The following CNTFR variants were observed in gnomAD, a reference collection of about 807,000 sequenced individuals.
CNTFR encodes ciliary neurotrophic factor receptor subunit alpha.
Under a neutral mutation model 40.4 loss-of-function variants are expected in CNTFR, and 12 were observed. The observed-to-expected ratio is 0.30, with a 90% CI of 0.19 to 0.48. The LOEUF is 0.48. Among genes scored for constraint, CNTFR ranks in the 20% least tolerant of loss-of-function variants. The pLI, the probability that CNTFR is intolerant of heterozygous loss-of-function variation, is 0.99. For synonymous variants in CNTFR, 202 were observed against 209.6 expected, an observed-to-expected ratio of 0.96 and a Z score of 0.31; for missense variants, 414 against 506.8, an observed-to-expected ratio of 0.82 and a Z score of 1.76.
chr9:34,572,727 C>T (rs1221077022), intron 2 of CNTFR, among the ~76,000 whole-genome samples: 1 of 152,190 alleles, frequency 6.6e-6, no homozygotes, highest in African/African-American at 2.4e-5. Context: ...TTGAAAATGA[C>T]ACAGTTGTAC....
rs1244256499 is a variant in CNTFR at position 34,568,942 on chromosome 9, C to G, written c.40G>C (p.Ala14Pro). ...GCGTAGACAACTGCGGCGGCGGCGG[C>G]AAGCACAGCACAGCAGGCCCACGGG... ...PVPWACCAVL[A>P]AAAAVVYAQR... Residue 14 changes from alanine (A) to proline (P), a missense_variant, in exon 3 of 10, where the codon GCC becomes CCC. Coordinates refer to ENST00000378980, the MANE Select transcript of CNTFR (RefSeq NM_147164.3). The G allele has an allele frequency of 6.2e-7, 1 of 1,601,594 alleles. No homozygotes were observed. The highest frequency in any genetic ancestry group is 1.7e-5 in the Admixed American group (1 of 58,614).
chr9:34,553,756 C>T (rs1274763532), intron 7 of CNTFR, among the ~76,000 whole-genome samples: 1 of 152,226 alleles, frequency 6.6e-6, no homozygotes, highest in Non-Finnish European at 1.5e-5. Flanking sequence ...CCTGCCTGTC[C>T]GGCGCCCCTT....
chr9:34,578,925 G>A (rs909843934), intron 2 of CNTFR, among the ~76,000 whole-genome samples: 7 of 152,172 alleles, frequency 4.6e-5, no homozygotes, highest in Admixed American at 2.0e-4. Flanking sequence ...CCCCAGATCC[G>A]CCTTTAGGAG....
rs184852110 is a variant in CNTFR, at chr9:34,552,548, G to T, written c.949+126C>A. On this transcript the variant is annotated intron_variant, in intron 8 of 9. Transcript: ENST00000378980. The surrounding 1 kb of genome is among the most constrained non-coding windows in gnomAD (Gnocchi z 5.1). ...GACCAGGAATGGCAGGAGTTGGACA[G>T]ACAGGCAGAAGTGTGGCTACCCCCG... 1.3e-4 allele frequency: 144 copies of T among 1,124,308 alleles called. No individual in the cohort carries two copies. In the African/African-American group the frequency reaches 2.1e-3, roughly 16 times the overall value. 69.6% of individuals were successfully genotyped at this position (1,124,308 alleles called of 1,614,324 possible). A position where few individuals can be genotyped will look rare whatever the true frequency, so the allele number is the denominator to read the frequency against.
chr9:34,562,189 C>T (rs1433502708), intron 4 of CNTFR, among the ~76,000 whole-genome samples: 1 of 152,184 alleles, frequency 6.6e-6, no homozygotes, highest in African/African-American at 2.4e-5. Context: ...TGACCGGTGC[C>T]AAGTTGGGTT....
intron 2 of CNTFR, among the ~76,000 whole-genome samples, chr9:34,574,847 G>A (rs1826875373): frequency 6.6e-6 from 1 of 152,248 alleles, no homozygotes; most frequent in African/African-American, 2.4e-5. Context: ...GCACGTGTGT[G>A]CGGGCGTGTT....
At chr9:34,573,014 A>T (rs984308127) in intron 2 of CNTFR, among the ~76,000 whole-genome samples, 3 of 152,224 alleles carry the variant, frequency 2.0e-5, no homozygotes, top group African/African-American at 7.2e-5. Context: ...GCAGCCCTGA[A>T]GTCTGACAGC....
At chr9:34,576,423 C>G (rs1357921894) in intron 2 of CNTFR, among the ~76,000 whole-genome samples, 4 of 152,222 alleles carry the variant, frequency 2.6e-5, no homozygotes, top group Non-Finnish European at 5.9e-5. Flanking sequence ...CTTGGCCTCT[C>G]ACGCCCCGAC....
intron 7 of CNTFR, among the ~76,000 whole-genome samples, chr9:34,555,221 T>C (rs1288844172): frequency 6.6e-6 from 1 of 152,192 alleles, no homozygotes; most frequent in East Asian, 1.9e-4. Flanking sequence ...CGGGAGGGAC[T>C]CCGGACTCTG....
Position 34,552,135 on chromosome 9 carries a change from C to A in CNTFR, c.1118+26G>T. ...GAGTGGGGGTTCCCTCAGGCTCCCT[C>A]TGCCACCCAGCCTCACTCAACCTAC... On this transcript the variant is annotated intron_variant, in intron 9 of 9. Transcript: ENST00000378980. The surrounding 1 kb of genome is among the most constrained non-coding windows in gnomAD (Gnocchi z 5.1). The A allele has an allele frequency of 6.3e-7, 1 of 1,592,388 alleles. No individual in the cohort carries two copies. The highest frequency in any genetic ancestry group is 8.5e-7 in the Non-Finnish European group (1 of 1,169,680).
intron 7 of CNTFR, among the ~76,000 whole-genome samples, chr9:34,553,059 GA>G (rs1825702487): frequency 6.6e-6 from 1 of 152,158 alleles, no homozygotes; most frequent in South Asian, 2.1e-4. Context: ...CACAGGAGGG[GA>G]GTTGTCCCTG....
intron 1 of CNTFR, among the ~76,000 whole-genome samples, chr9:34,585,930 G>A (rs10118547): frequency 8.5e-5 from 13 of 152,082 alleles, no homozygotes; most frequent in African/African-American, 9.7e-5. Flanking sequence ...ACTTCAACTC[G>A]CCATGGGGGG....
intron 3 of CNTFR, among the ~76,000 whole-genome samples, chr9:34,565,175 C>G (rs900210121): frequency 6.6e-6 from 1 of 152,036 alleles, no homozygotes; most frequent in Non-Finnish European, 1.5e-5. Flanking sequence ...CCTCTCCAGT[C>G]CCTGGGTTTT....
At chr9:34,567,050 C>T (rs77107846) in intron 3 of CNTFR, among the ~76,000 whole-genome samples, 3,315 of 152,234 alleles carry the variant, frequency 0.022, 70 homozygotes, top group South Asian at 0.072. Context: ...TGGCAATACA[C>T]GCAGCCATGC....
chr9:34,573,636 C>T (rs1192252512), intron 2 of CNTFR, among the ~76,000 whole-genome samples: 2 of 152,194 alleles, frequency 1.3e-5, no homozygotes, highest in African/African-American at 4.8e-5. Flanking sequence ...GAGGGGACTC[C>T]CCACAGCTTC....
intron 2 of CNTFR, among the ~76,000 whole-genome samples, chr9:34,571,599 C>A (rs944888101): frequency 6.6e-6 from 1 of 150,640 alleles, no homozygotes; most frequent in Non-Finnish European, 1.5e-5. Context: ...CTCAGGCCCC[C>A]GCGGGGGGAG....
chr9:34,579,537 GAT>G (rs1191338273), intron 2 of CNTFR, among the ~76,000 whole-genome samples: 1 of 152,056 alleles, frequency 6.6e-6, no homozygotes, highest in African/African-American at 2.4e-5. Flanking sequence ...ATACCATTGA[GAT>G]AAGACACTGA....
At chr9:34,558,453 A>G (rs1297486316) in intron 4 of CNTFR, among the ~76,000 whole-genome samples, 1 of 152,186 alleles carries the variant, frequency 6.6e-6, no homozygotes, top group Non-Finnish European at 1.5e-5. Flanking sequence ...CCCTCAGTAG[A>G]GACAGAGACA....
rs1017743252 is a variant in CNTFR, at chr9:34,551,991, T to C, written c.*80A>G. 17 of 846,538 alleles carry C rather than the reference T, an allele frequency of 2.0e-5. No homozygotes were observed. Among genetic ancestry groups the C allele is most frequent in the Non-Finnish European group, 3.0e-5 (15 of 502,798 alleles). The allele number at this position is 846,538 out of a possible 1,614,324, so 52.4% of individuals were successfully genotyped here. On this transcript the variant is annotated 3_prime_UTR_variant, in exon 10 of 10. Coordinates refer to ENST00000378980, the MANE Select transcript of CNTFR (RefSeq NM_147164.3). Reference sequence around the variant, plus strand: ...AAGGTCCTCCTGCCCGTGTGCAAAATAGAAACCGGGGTCTGCAGGCTCAGC... The same window carrying C: ...AAGGTCCTCCTGCCCGTGTGCAAAACAGAAACCGGGGTCTGCAGGCTCAGC...
Sources: allele counts gnomAD v4.1 joint callset (sites outside exome capture counted in the v4.1 genomes callset), GRCh38; gene constraint gnomAD v4.1.1; non-coding constraint Gnocchi (gnomAD v3.1); transcripts MANE v1.5; gene names NCBI Gene and HGNC (gene_info 2026-07-23, HGNC 2026-07-21).